The following ASIC2 variants were observed in gnomAD, a reference collection of about 807,000 sequenced individuals.
ASIC2 encodes the protein acid-sensing ion channel 2.
A neutral mutation model predicts 57.3 loss-of-function variants in ASIC2; 25 were observed. The ratio of observed to expected loss-of-function variants is 0.44; its 90% CI spans 0.32 to 0.61. The LOEUF (loss-of-function observed/expected upper bound fraction) is 0.61. Among genes scored for constraint, ASIC2 ranks in the 20% least tolerant of loss-of-function variants. The probability of loss-of-function intolerance (pLI) is 0.06; values close to 1 mark genes in which losing one functional copy is unlikely to be tolerated. For synonymous variants in ASIC2, 319 were observed against 307.5 expected (o/e 1.04, Z -0.39); for missense variants, 641 against 738.1 (o/e 0.87, Z 1.52).
chr17:33,122,313 G>A (rs1362554476), intron 1 of ASIC2, among the ~76,000 whole-genome samples: 1 of 152,140 alleles, frequency 6.6e-6, no homozygotes, highest in South Asian at 2.1e-4. Context: ...AGGCTGCCAC[G>A]TTCGGTGGAG....
At chr17:33,927,639 G>C (rs1005952315) in intron 1 of ASIC2, among the ~76,000 whole-genome samples, 11 of 152,148 alleles carry the variant, frequency 7.2e-5, no homozygotes, top group African/African-American at 2.4e-4. Flanking sequence ...GTATTTGTTA[G>C]AGCAGCCCAA....
At chr17:33,249,287 G>A (rs1206868618) in intron 1 of ASIC2, among the ~76,000 whole-genome samples, 1 of 152,142 alleles carries the variant, frequency 6.6e-6, no homozygotes. Flanking sequence ...GGCGTGGTGA[G>A]ATGTCTAAAC....
chr17:33,890,295 GC>G (rs1220906676), intron 1 of ASIC2, among the ~76,000 whole-genome samples: 1 of 152,088 alleles, frequency 6.6e-6, no homozygotes, highest in East Asian at 1.9e-4. Flanking sequence ...ACACCAACTG[GC>G]TCCCATGTTG....
intron 1 of ASIC2, among the ~76,000 whole-genome samples, chr17:33,564,626 G>A (rs1441258284): frequency 2.0e-5 from 3 of 152,222 alleles, no homozygotes; most frequent in Admixed American, 6.5e-5. Flanking sequence ...TGCACACCTC[G>A]AAGTGCCAGC....
Position 33,430,581 on chromosome 17 carries a change from G to A in ASIC2, c.556-318514C>T, listed in dbSNP as rs142072043. The stretch of plus-strand genomic sequence containing the variant: ...TCAAGTGGTCAGTGAAGCAATGCAG[G>A]GTGCTGGGGCCACAGCAACCTGGAA... On this transcript the variant is annotated intron_variant, in intron 1 of 9. Transcript: ENST00000359872. Among the ~76,000 whole-genome samples the A allele has an allele frequency of 3.8e-4, 58 of 152,218 alleles. No homozygotes were observed. In the East Asian group the frequency reaches 9.8e-3, roughly 26 times the overall value.
At chr17:33,796,103 T>C (rs555903174) in intron 1 of ASIC2, among the ~76,000 whole-genome samples, 1 of 152,330 alleles carries the variant, frequency 6.6e-6, no homozygotes, top group South Asian at 2.1e-4. Flanking sequence ...CACAGTGGCT[T>C]CTTCTTGCCC....
Position 33,484,103 on chromosome 17 carries a change from T to C in ASIC2, c.556-372036A>G, listed in dbSNP as rs572037599. ...TAGGAAGAAACAGCCCTGCTAATGA[T>C]GTCTTAACTTTAGCCCAGTTAATCT... is the stretch of plus-strand genomic sequence containing the variant. On this transcript the variant is annotated intron_variant, in intron 1 of 9. Transcript: ENST00000359872. 5.3e-5 allele frequency among the ~76,000 whole-genome samples: 8 copies of C among 152,372 alleles called. No homozygotes were observed. The East Asian group carries it at 1.5e-3, about 29-fold the overall frequency.
chr17:33,184,439 C>T (rs1906106829), intron 1 of ASIC2, among the ~76,000 whole-genome samples: 1 of 152,180 alleles, frequency 6.6e-6, no homozygotes, highest in Non-Finnish European at 1.5e-5. Flanking sequence ...ACCCAGCCCC[C>T]AGCCTTATGC....
At chr17:33,834,835 C>T (rs1913224966) in intron 1 of ASIC2, among the ~76,000 whole-genome samples, 2 of 152,174 alleles carry the variant, frequency 1.3e-5, no homozygotes, top group South Asian at 4.1e-4. Flanking sequence ...TTTCTGAGAG[C>T]CCTCCTATGC....
At chr17:33,494,159 C>T (rs995849661) in intron 1 of ASIC2, among the ~76,000 whole-genome samples, 8 of 152,206 alleles carry the variant, frequency 5.3e-5, no homozygotes, top group African/African-American at 1.9e-4. Context: ...CACTGCCTTT[C>T]CCCAGACAGC....
At chr17:33,037,148 A>AAAAG (rs61105039) in intron 3 of ASIC2, among the ~76,000 whole-genome samples, 1 of 147,482 alleles carries the variant, frequency 6.8e-6, no homozygotes, top group Non-Finnish European at 1.5e-5. Context: ...AAAAAAAAAA[A>AAAAG]GAATTGGTTG....
intron 1 of ASIC2, among the ~76,000 whole-genome samples, chr17:33,877,157 G>A (rs543175245): frequency 1.1e-4 from 17 of 152,308 alleles, no homozygotes; most frequent in African/African-American, 2.9e-4. Flanking sequence ...CAAGATGGCC[G>A]AATAGGAGCT....
At chr17:33,019,924 G>C (rs1045449054) in intron 7 of ASIC2, among the ~76,000 whole-genome samples, 2 of 152,084 alleles carry the variant, frequency 1.3e-5, no homozygotes, top group Admixed American at 6.5e-5. Context: ...GGGAGGGCAG[G>C]GGGTAGGAAG....
chr17:33,094,912 T>C (rs1202955709), intron 2 of ASIC2, among the ~76,000 whole-genome samples: 1 of 152,238 alleles, frequency 6.6e-6, no homozygotes, highest in African/African-American at 2.4e-5. Flanking sequence ...CCTAGACAAA[T>C]TGATTAAATA....
chr17:33,965,767 C>A (rs143181631), intron 1 of ASIC2, among the ~76,000 whole-genome samples: 1 of 152,312 alleles, frequency 6.6e-6, no homozygotes, highest in East Asian at 1.9e-4. Flanking sequence ...TCTTGATGAA[C>A]CTCACTCTGC....
intron 6 of ASIC2, 133 bp downstream of exon 6, chr17:33,023,728 C>G (rs1193761337): frequency 3.3e-6 from 4 of 1,215,156 alleles, no homozygotes; most frequent in Non-Finnish European, 4.6e-6. Context: ...CAGAGCGTGA[C>G]ACACAGAGGG....
chr17:33,473,139 C>T (rs955532398), intron 1 of ASIC2, among the ~76,000 whole-genome samples: 2 of 152,312 alleles, frequency 1.3e-5, no homozygotes, highest in South Asian at 4.1e-4. Context: ...GAAAAAGAGG[C>T]TAATTTCTTG....
intron 1 of ASIC2, among the ~76,000 whole-genome samples, chr17:33,287,629 G>A (rs756997345): frequency 2.6e-5 from 4 of 152,206 alleles, no homozygotes; most frequent in Non-Finnish European, 4.4e-5. Context: ...AACAAAGAGA[G>A]GAGCTGCAAC....
chr17:33,630,531 T>C (rs906202108), intron 1 of ASIC2, among the ~76,000 whole-genome samples: 2 of 152,134 alleles, frequency 1.3e-5, no homozygotes, highest in African/African-American at 2.4e-5. Flanking sequence ...ATGTCCCCTT[T>C]AGGACCATGC....
Sources: allele counts gnomAD v4.1 joint callset (sites outside exome capture counted in the v4.1 genomes callset), GRCh38; gene constraint gnomAD v4.1.1; transcripts MANE v1.5; gene names NCBI Gene and HGNC (gene_info 2026-07-23, HGNC 2026-07-21).